Variants in CPS1 observed in about 807,000 individuals in gnomAD.
The protein encoded by CPS1 is carbamoyl-phosphate synthase 1.
Under a neutral mutation model 174.6 loss-of-function variants are expected in CPS1, and 109 were observed. The observed-to-expected ratio is 0.62, with a 90% confidence interval of 0.53 to 0.73. CPS1 has a LOEUF of 0.73. Among genes scored for constraint, CPS1 ranks in the 30% least tolerant of loss-of-function variants. The pLI, the probability that CPS1 is intolerant of heterozygous loss-of-function variation, is 0.00. For missense variants in CPS1, 1,689 were observed against 1,821.9 expected (o/e 0.93, Z 1.33); for synonymous variants, 637 against 632.0 (o/e 1.01, Z -0.12).
intron 34 of CPS1, among the ~76,000 whole-genome samples, chr2:210,671,032 G>C (rs1448689679): frequency 2.0e-5 from 3 of 152,148 alleles, no homozygotes; most frequent in Non-Finnish European, 4.4e-5. Flanking sequence ...TGATTTTCCT[G>C]TAATATTTCT....
At chr2:210,638,732 G>C (rs1296762391) in intron 22 of CPS1, among the ~76,000 whole-genome samples, 1 of 152,044 alleles carries the variant, frequency 6.6e-6, no homozygotes, top group Non-Finnish European at 1.5e-5. Flanking sequence ...TCATCCCACC[G>C]CTCAGTGCCA....
At chr2:210,510,303 G>C (rs4571002) in intron 1 of CPS1, among the ~76,000 whole-genome samples, 29,737 of 151,996 alleles carry the variant, frequency 0.2, 3,355 homozygotes, top group African/African-American at 0.28. Context: ...AATAAATGGT[G>C]CTGGGAAAAC....
At chr2:210,535,359 C>A (rs2247708) in intron 1 of CPS1, among the ~76,000 whole-genome samples, 1 of 151,906 alleles carries the variant, frequency 6.6e-6, no homozygotes, top group Non-Finnish European at 1.5e-5. Context: ...TCTCTTACCC[C>A]GTTCCCCTCC....
chr2:210,599,789 A>C (rs1165714702), intron 14 of CPS1, among the ~76,000 whole-genome samples: 1 of 151,940 alleles, frequency 6.6e-6, no homozygotes, highest in Admixed American at 6.6e-5. Context: ...TTAATGCTCC[A>C]GAGTGGCCAG....
chr2:210,540,665 T>C (rs935088511), intron 1 of CPS1, among the ~76,000 whole-genome samples: 13 of 152,184 alleles, frequency 8.5e-5, no homozygotes, highest in African/African-American at 3.1e-4. Context: ...ATTTTGTATA[T>C]GAAGAAACTG....
chr2:210,640,303 A>G (rs1223428644), intron 24 of CPS1, among the ~76,000 whole-genome samples: 1 of 152,072 alleles, frequency 6.6e-6, no homozygotes, highest in East Asian at 1.9e-4. Context: ...GTGTAACTTA[A>G]TTTTCATCCT....
rs1396955 is a variant in CPS1 at position 210,534,795 on chromosome 2, G to A, written c.4-21924G>A. Among the ~76,000 whole-genome samples the A allele has an allele frequency of 6.9e-3, 1,057 of 152,172 alleles. 10 individuals carry two copies. The highest frequency in any genetic ancestry group is 0.024 in the African/African-American group (1,003 of 41,504). On this transcript the variant is annotated intron_variant, in intron 1 of 38. Coordinates refer to the CPS1 transcript ENST00000430249. ...TACAGTTTATTCAGTCAAATTCTACGTTCTCTTCCTGGTCCCTTCTTTGAT... is the reference window on the plus strand; with the variant it reads ...TACAGTTTATTCAGTCAAATTCTACATTCTCTTCCTGGTCCCTTCTTTGAT...
At chr2:210,507,227 A>G (rs1559740587) in intron 1 of CPS1, among the ~76,000 whole-genome samples, 3 of 152,254 alleles carry the variant, frequency 2.0e-5, no homozygotes, top group South Asian at 4.1e-4. Context: ...AATATTCAAC[A>G]TTCTTAAAGA....
In CPS1 at chr2:210,576,085, A is replaced by C. The variant is rs575737186; in HGVS notation, c.237-261A>C. ...CAAGGGATTTTTAAAGGAATTAAAA[A>C]ATTTAAAGAAATTGAGGGAATAAAA... On this transcript the variant is annotated intron_variant, in intron 2 of 37. Transcript: ENST00000233072. Among the ~76,000 whole-genome samples, 7 of 152,246 alleles carry C rather than the reference A, an allele frequency of 4.6e-5. No individual in the cohort carries two copies. In the South Asian group the frequency reaches 8.3e-4, roughly 18 times the overall value.
intron 32 of CPS1, among the ~76,000 whole-genome samples, chr2:210,662,848 A>C (rs1464100603): frequency 1.3e-5 from 2 of 152,212 alleles, no homozygotes; most frequent in Non-Finnish European, 2.9e-5. Context: ...CCAGATTAGA[A>C]ACACTGGTCC....
chr2:210,491,811 C>T (rs1012119138), intron 1 of CPS1, among the ~76,000 whole-genome samples: 1 of 152,162 alleles, frequency 6.6e-6, no homozygotes, highest in African/African-American at 2.4e-5. Context: ...GGGAGGGGGT[C>T]CTATAACAGC....
chr2:210,555,705 A>G, upstream of CPS1: 1 of 455,446 alleles, frequency 2.2e-6, no homozygotes, highest in Non-Finnish European at 4.4e-6. Flanking sequence ...GGTATCAAAG[A>G]ACACTGCTGC....
exon 1 of CPS1, chr2:210,477,732 T>C: frequency 6.2e-7 from 1 of 1,612,724 alleles, no homozygotes; most frequent in Non-Finnish European, 8.5e-7. Flanking sequence ...TTTCTTAACC[T>C]CATCAAATTC....
intron 18 of CPS1, 147 bp from the exon 19 acceptor site, chr2:210,608,214 C>A (rs954137404): frequency 3.8e-5 from 27 of 718,448 alleles, no homozygotes; most frequent in Non-Finnish European, 9.3e-6. Context: ...CAAGTGGCTA[C>A]TAAATATTGA....
intron 1 of CPS1, among the ~76,000 whole-genome samples, chr2:210,505,476 G>C (rs191863184): frequency 6.6e-6 from 1 of 152,094 alleles, no homozygotes; most frequent in Non-Finnish European, 1.5e-5. Flanking sequence ...CACAGAAGAC[G>C]AATGATTTCT....
In CPS1 at chr2:210,595,520, C is replaced by G; in HGVS notation, c.1297C>G (p.Leu433Val). The G allele has an allele frequency of 6.2e-7, 1 of 1,611,482 alleles. No individual in the cohort carries two copies. The highest frequency in any genetic ancestry group is 8.5e-7 in the Non-Finnish European group (1 of 1,178,350). Residue 433 changes from leucine (L) to valine (V), a missense_variant, in exon 13 of 38, where the codon CTG becomes GTG. By Grantham distance (32) the Leu-to-Val change is conservative. Coordinates refer to ENST00000233072, the MANE Select transcript of CPS1 (RefSeq NM_001875.5). The stretch of plus-strand genomic sequence containing the variant: ...AGTCCTTATTCTAGGATCAGGAGGT[C>G]TGTCCATTGGTCAGGCTGGAGAATT... Reference protein sequence around the residue: ...SKVLILGSGGLSIGQAGEFDY... With the variant: ...SKVLILGSGGVSIGQAGEFDY...
At position 210,577,454 on chromosome 2, in the gene CPS1, G is replaced by C. The variant is rs374439479; in HGVS notation, c.415G>C (p.Asp139His). 1.2e-6 allele frequency: 2 copies of C among 1,613,890 alleles called. No homozygotes were observed. Among genetic ancestry groups the C allele is most frequent in the East Asian group, 2.2e-5 (1 of 44,844 alleles). ...SGLLVLDYSK[D>H]YNHWLATKSL... is the part of the protein sequence containing the mutation. ...TTTGCTGGTGCTGGATTATAGTAAA[G>C]ACTACAACCACTGGCTGGCTACCAA... Residue 139 changes from aspartate to histidine, a missense_variant, in exon 4 of 38, where the codon GAC becomes CAC. Coordinates refer to ENST00000233072, the MANE Select transcript of CPS1 (RefSeq NM_001875.5).
intron 1 of CPS1, among the ~76,000 whole-genome samples, chr2:210,524,033 A>G (rs1013368553): frequency 3.3e-5 from 5 of 152,022 alleles, no homozygotes; most frequent in Non-Finnish European, 4.4e-5. Flanking sequence ...CCATATTAAT[A>G]AAACAGCATA....
chr2:210,550,114 T>G (rs1266311082), intron 1 of CPS1, among the ~76,000 whole-genome samples: 1 of 152,042 alleles, frequency 6.6e-6, no homozygotes, highest in Non-Finnish European at 1.5e-5. Flanking sequence ...ATTAATAGCT[T>G]TATTTCCGTA....
Sources: allele counts gnomAD v4.1 joint callset (sites outside exome capture counted in the v4.1 genomes callset), GRCh38; gene constraint gnomAD v4.1.1; transcripts MANE v1.5; gene names NCBI Gene and HGNC (gene_info 2026-07-23, HGNC 2026-07-21).